The following ABHD5 variants were observed in gnomAD, a reference collection of about 807,000 sequenced individuals.
ABHD5 encodes abhydrolase domain containing 5, lysophosphatidic acid acyltransferase, also known as 1-acylglycerol-3-phosphate O-acyltransferase ABHD5.
ABHD5 carries 30 observed loss-of-function variants against 44.9 expected under a neutral mutation model. The observed-to-expected ratio is 0.67, with a 90% CI of 0.50 to 0.91. ABHD5 has a LOEUF of 0.91. Among genes scored for constraint, ABHD5 ranks in the 40% least tolerant of loss-of-function variants. ABHD5 has a pLI of 0.00. For synonymous variants in ABHD5, 167 were observed against 147.0 expected, an observed-to-expected ratio of 1.14 and a Z score of -0.99; for missense variants, 399 against 423.4, an observed-to-expected ratio of 0.94 and a Z score of 0.50.
rs202055651 is a variant in ABHD5 at position 43,704,493 on chromosome 3, GT to G, written c.506+1907del. On this transcript the variant is annotated intron_variant, in intron 3 of 6. Transcript: ENST00000644371. ...TTGTTTTTTATCAGGTATGTATTAT[GT>G]CTGTGTCTGTCTTGTGGTATTTATT... 5.8e-3 allele frequency among the ~76,000 whole-genome samples: 887 copies of G among 152,292 alleles called. 8 individuals carry two copies. Among genetic ancestry groups the G allele is most frequent in the African/African-American group, 0.02 (838 of 41,552 alleles).
chr3:43,697,634 A>G (rs1313972160), intron 1 of ABHD5, among the ~76,000 whole-genome samples: 2 of 152,246 alleles, frequency 1.3e-5, no homozygotes, highest in Non-Finnish European at 2.9e-5. Flanking sequence ...GTGCAAAGCC[A>G]TAGAGACATG....
rs1489588163 is a variant in ABHD5 at position 43,718,475 on chromosome 3, A to G, written c.993A>G (p.Ala331=). 4 of 1,614,160 alleles carry G rather than the reference A, an allele frequency of 2.5e-6. No individual in the cohort carries two copies. Among genetic ancestry groups the G allele is most frequent in the Non-Finnish European group, 3.4e-6 (4 of 1,180,004 alleles). ...TTGGGGCAGGACATTATGTATATGC[A>G]GATCAACCAGAAGAATTCAACCAGA... is the stretch of plus-strand genomic sequence containing the variant. ...AILGAGHYVY[A]DQPEEFNQKV... The change falls in exon 7 of 7, where the codon GCA becomes GCG. Residue 331 remains alanine, a synonymous_variant. Transcript: ENST00000644371.
chr3:43,716,131 G>A (rs1037710213), intron 5 of ABHD5, among the ~76,000 whole-genome samples: 4 of 152,168 alleles, frequency 2.6e-5, no homozygotes, highest in African/African-American at 9.7e-5. Flanking sequence ...AACAGAGCCT[G>A]AAGATAGTGG....
At chr3:43,691,317 C>G (rs1013407123) in intron 1 of ABHD5, 1 of 319,748 alleles carries the variant, frequency 3.1e-6, no homozygotes, top group Non-Finnish European at 5.7e-6. Flanking sequence ...AGGGTCCGCC[C>G]CGTTGTTGTA....
chr3:43,692,874 C>G (rs1189666725), intron 1 of ABHD5, among the ~76,000 whole-genome samples: 1 of 152,164 alleles, frequency 6.6e-6, no homozygotes, highest in Non-Finnish European at 1.5e-5. Context: ...ATACAGTTCC[C>G]TACCCTTAAG....
chr3:43,699,227 G>C, intron 1 of ABHD5, 49 bp from the exon 2 acceptor site: 1 of 1,481,028 alleles, frequency 6.8e-7, no homozygotes, highest in Non-Finnish European at 9.4e-7. Context: ...ATTGGTAGTT[G>C]AGAAGAGCAT....
chr3:43,705,372 A>C (rs972365983), intron 3 of ABHD5, among the ~76,000 whole-genome samples: 33 of 152,320 alleles, frequency 2.2e-4, no homozygotes, highest in African/African-American at 7.7e-4. Context: ...TAGCATAAAA[A>C]CAAGTTACCG....
rs760056786 is a variant in ABHD5, at chr3:43,690,953, C to A, written c.-40C>A. On this transcript the variant is annotated 5_prime_UTR_variant, in exon 1 of 7. Transcript: ENST00000644371. ...GGGGCGGCCCAGTCGGCCTGTCAGC[C>A]GGCTTCGAGATAAGTCCCGGCGCTT... The A allele has an allele frequency of 4.5e-6, 7 of 1,549,218 alleles. No homozygotes were observed. In the Admixed American group the frequency reaches 1.1e-4, roughly 25 times the overall value.
chr3:43,723,532 T>C (rs973440169), downstream of ABHD5, among the ~76,000 whole-genome samples: 1 of 152,256 alleles, frequency 6.6e-6, no homozygotes, highest in African/African-American at 2.4e-5. Context: ...TGAGACATGC[T>C]TCTGTTGTGT....
intron 7 of ABHD5, among the ~76,000 whole-genome samples, chr3:43,730,857 C>T (rs1346645688): frequency 6.6e-6 from 1 of 151,100 alleles, no homozygotes; most frequent in South Asian, 2.1e-4. Flanking sequence ...GAGACGGAGT[C>T]TCGATCTGTT....
At chr3:43,728,466 T>G (rs564460153) in intron 7 of ABHD5, among the ~76,000 whole-genome samples, 1 of 152,288 alleles carries the variant, frequency 6.6e-6, no homozygotes, top group African/African-American at 2.4e-5. Context: ...AGCTAACCCA[T>G]AAATAACTCT....
chr3:43,732,042 G>T (rs555012646), intron 7 of ABHD5, among the ~76,000 whole-genome samples: 2 of 152,038 alleles, frequency 1.3e-5, no homozygotes, highest in Non-Finnish European at 2.9e-5. Flanking sequence ...TGGTGAGTGC[G>T]AGACAAAACA....
chr3:43,702,722 C>CA (rs1276647268), intron 3 of ABHD5, 135 bp downstream of exon 3: 4 of 1,169,168 alleles, frequency 3.4e-6, no homozygotes, highest in African/African-American at 1.5e-5. Flanking sequence ...GACCACACCA[C>CA]AACTGATGAC....
chr3:43,701,298 A>G (rs1007260876), intron 2 of ABHD5, among the ~76,000 whole-genome samples: 3 of 152,176 alleles, frequency 2.0e-5, no homozygotes, highest in African/African-American at 7.2e-5. Context: ...AATATTCTGA[A>G]TGAATGTTAG....
At chr3:43,729,191 G>A (rs1054774448) in intron 7 of ABHD5, among the ~76,000 whole-genome samples, 2 of 152,202 alleles carry the variant, frequency 1.3e-5, no homozygotes, top group Non-Finnish European at 2.9e-5. Flanking sequence ...TAACGACTTT[G>A]TGGTGAGGTT....
At chr3:43,710,304 GC>G (rs2084671218) in intron 3 of ABHD5, among the ~76,000 whole-genome samples, 1 of 152,082 alleles carries the variant, frequency 6.6e-6, no homozygotes, top group Non-Finnish European at 1.5e-5. Context: ...ATTAGGACTG[GC>G]CTTGAGAGTT....
At chr3:43,727,931 A>G (rs1430717085) in intron 7 of ABHD5, among the ~76,000 whole-genome samples, 1 of 152,112 alleles carries the variant, frequency 6.6e-6, no homozygotes, top group Admixed American at 6.6e-5. Flanking sequence ...CTTTTAAAGA[A>G]TGAGGCCCCA....
chr3:43,718,645 A>G lies in ABHD5; in HGVS notation c.*113A>G. 9.7e-7 allele frequency: 1 copy of G among 1,028,402 alleles called. No homozygotes were observed. The highest frequency in any genetic ancestry group is 2.5e-5 in the East Asian group (1 of 40,392). The allele number at this position is 1,028,402 out of a possible 1,614,324, so 63.7% of individuals were successfully genotyped here. A position where few individuals can be genotyped will look rare whatever the true frequency, so the allele number is the denominator to read the frequency against. On this transcript the variant is annotated 3_prime_UTR_variant, in exon 7 of 7. Transcript: ENST00000644371. Reference sequence around the variant, plus strand: ...AACACACAACCAGGCAGCCTTCTTGACTATACTTTGCACATGTTTTCTTTA... The same window carrying G: ...AACACACAACCAGGCAGCCTTCTTGGCTATACTTTGCACATGTTTTCTTTA...
At chr3:43,691,997 TAGA>T (rs2084398446) in intron 1 of ABHD5, among the ~76,000 whole-genome samples, 1 of 152,220 alleles carries the variant, frequency 6.6e-6, no homozygotes, top group Admixed American at 6.5e-5. Flanking sequence ...CACTTGTTAG[TAGA>T]AGAATAGTAG....
Sources: gnomAD v4.1 joint callset for allele counts (sites outside exome capture counted in the v4.1 genomes callset) on GRCh38, gnomAD v4.1.1 for gene constraint, MANE v1.5 for transcripts, NCBI Gene and HGNC (gene_info 2026-07-23, HGNC 2026-07-21) for gene names.